PARVA: variants seen among roughly 807,000 people sequenced by gnomAD.
PARVA encodes the protein parvin alpha.
Under a neutral mutation model 52.6 loss-of-function variants are expected in PARVA, and 25 were observed. The ratio of observed to expected loss-of-function variants is 0.48; its 90% CI spans 0.35 to 0.66. The LOEUF is 0.66. PARVA is among the 30% of genes least tolerant of loss of function. The probability of loss-of-function intolerance (pLI) is 0.01; values close to 1 mark genes in which losing one functional copy is unlikely to be tolerated. For synonymous variants in PARVA, 185 were observed against 179.1 expected (o/e 1.03, Z -0.26); for missense variants, 373 against 450.9 (o/e 0.83, Z 1.56).
chr11:12,516,308 A>G (rs1248542754), intron 10 of PARVA, among the ~76,000 whole-genome samples: 1 of 152,200 alleles, frequency 6.6e-6, no homozygotes, highest in Non-Finnish European at 1.5e-5. Context: ...ATATACACTC[A>G]TAAACATTTG....
At chr11:12,390,035 T>A (rs887172793) in intron 1 of PARVA, among the ~76,000 whole-genome samples, 1 of 152,156 alleles carries the variant, frequency 6.6e-6, no homozygotes, top group Admixed American at 6.6e-5. Flanking sequence ...AGGCTCTTCA[T>A]GAAAATGCAG....
chr11:12,443,047 C>G (rs530504798), intron 1 of PARVA, among the ~76,000 whole-genome samples: 1 of 151,782 alleles, frequency 6.6e-6, no homozygotes, highest in African/African-American at 2.4e-5. Context: ...ATTTTTAGTA[C>G]AGATGGGGTT....
intron 12 of PARVA, among the ~76,000 whole-genome samples, chr11:12,523,246 G>T (rs558328412): frequency 6.6e-6 from 1 of 152,322 alleles, no homozygotes; most frequent in South Asian, 2.1e-4. Context: ...AGAGCAGGTA[G>T]AGATGCGAGA....
At chr11:12,504,532 G>A in intron 6 of PARVA, 103 bp downstream of exon 6, 2 of 708,054 alleles carry the variant, frequency 2.8e-6, no homozygotes, top group Admixed American at 2.2e-5. Flanking sequence ...CTGCATGAAT[G>A]TTGAGTGAGC....
chr11:12,522,421 C>CTTTTTTTTT (rs66494894), intron 12 of PARVA, among the ~76,000 whole-genome samples: 11 of 134,632 alleles, frequency 8.2e-5, no homozygotes, highest in Non-Finnish European at 1.1e-4. Flanking sequence ...GAGCTTTATT[C>CTTTTTTTTT]TTTTTTTTTT....
chr11:12,523,185 C>T (rs1941660325), intron 12 of PARVA, among the ~76,000 whole-genome samples: 1 of 152,038 alleles, frequency 6.6e-6, no homozygotes, highest in Non-Finnish European at 1.5e-5. Flanking sequence ...CAGTAGGTCA[C>T]CACGAAAAGG....
intron 5 of PARVA, 93 bp from the exon 6 acceptor site, chr11:12,504,217 CTCTA>C: frequency 1.5e-6 from 1 of 685,802 alleles, no homozygotes; most frequent in Non-Finnish European, 2.6e-6. Context: ...AATATCCAAA[CTCTA>C]TCAGTGGGGT....
intron 1 of PARVA, among the ~76,000 whole-genome samples, chr11:12,463,633 T>A (rs1589967141): frequency 6.6e-6 from 1 of 152,292 alleles, no homozygotes; most frequent in East Asian, 1.9e-4. Context: ...AGCCTAACTT[T>A]TTTCCTCCTT....
At chr11:12,505,360 C>A (rs756053009) in intron 6 of PARVA, among the ~76,000 whole-genome samples, 4 of 152,138 alleles carry the variant, frequency 2.6e-5, no homozygotes, top group Non-Finnish European at 5.9e-5. Context: ...TCAGACCAGG[C>A]CAGTTTCCAA....
At chr11:12,499,744 A>G (rs778478410) in intron 5 of PARVA, among the ~76,000 whole-genome samples, 3 of 152,042 alleles carry the variant, frequency 2.0e-5, no homozygotes, top group Non-Finnish European at 4.4e-5. Context: ...AACCGTGAAC[A>G]TTGTGCTGTG....
chr11:12,400,634 T>C (rs968066799), intron 1 of PARVA, among the ~76,000 whole-genome samples: 10 of 152,248 alleles, frequency 6.6e-5, no homozygotes, highest in Non-Finnish European at 2.9e-5. Flanking sequence ...TATTTCCAAT[T>C]ATTTCTTCAG....
intron 10 of PARVA, 65 bp downstream of exon 10, chr11:12,514,130 C>A: frequency 3.8e-6 from 5 of 1,307,750 alleles, no homozygotes; most frequent in Middle Eastern, 1.9e-4. Flanking sequence ...TTCCAAGTGG[C>A]CCACCACACT....
At chr11:12,489,884 C>T (rs1941210001) in intron 4 of PARVA, among the ~76,000 whole-genome samples, 1 of 152,126 alleles carries the variant, frequency 6.6e-6, no homozygotes, top group Non-Finnish European at 1.5e-5. Flanking sequence ...TAAGTTCATA[C>T]ACAGCCAAAA....
chr11:12,441,446 G>A (rs1940465600), intron 1 of PARVA, among the ~76,000 whole-genome samples: 1 of 151,758 alleles, frequency 6.6e-6, no homozygotes, highest in South Asian at 2.1e-4. Context: ...AGAGAAGACC[G>A]CCCAGCTAAA....
chr11:12,391,906 T>C lies in PARVA; in HGVS notation c.136+14123T>C, dbSNP rs541654899. 3.9e-5 allele frequency among the ~76,000 whole-genome samples: 6 copies of C among 152,252 alleles called. No homozygotes were observed. The South Asian group carries it at 8.3e-4, about 21-fold the overall frequency. ...AATTCACCCATTTAAATGGCATAAT[T>C]CAGTGGTCTTTAGTATATTCATAGT... On this transcript the variant is annotated intron_variant, in intron 1 of 12. Coordinates refer to ENST00000334956, the MANE Select transcript of PARVA (RefSeq NM_018222.5).
At chr11:12,508,749 G>A in intron 7 of PARVA, 107 bp downstream of exon 7, 1 of 881,726 alleles carries the variant, frequency 1.1e-6, no homozygotes, top group Non-Finnish European at 1.9e-6. Context: ...GATTGCAGGA[G>A]GGATTAGACT....
intron 1 of PARVA, among the ~76,000 whole-genome samples, chr11:12,399,609 A>T (rs1041894379): frequency 6.6e-6 from 1 of 152,256 alleles, no homozygotes; most frequent in Non-Finnish European, 1.5e-5. Flanking sequence ...CACTCTGTGT[A>T]GCACTGACCT....
chr11:12,517,486 C>T (rs565363582), intron 10 of PARVA, 124 bp from the exon 11 acceptor site: 17 of 720,816 alleles, frequency 2.4e-5, no homozygotes, highest in Middle Eastern at 7.7e-4. Flanking sequence ...CCCCTACCCC[C>T]GAGCTAGCAG....
At chr11:12,479,277 C>T (rs1941053647) in intron 4 of PARVA, 1 of 151,934 alleles carries the variant, frequency 6.6e-6, no homozygotes, top group Non-Finnish European at 1.5e-5. Flanking sequence ...TCAAATGTGC[C>T]TCCCTATTAT....
Sources: gnomAD v4.1 joint callset for allele counts (sites outside exome capture counted in the v4.1 genomes callset) on GRCh38, gnomAD v4.1.1 for gene constraint, MANE v1.5 for transcripts, NCBI Gene and HGNC (gene_info 2026-07-23, HGNC 2026-07-21) for gene names.